Variants in SPAG6 observed in about 807,000 individuals in gnomAD.
SPAG6 encodes the protein sperm-associated antigen 6.
A neutral mutation model predicts 58.5 loss-of-function variants in SPAG6; 49 were observed. That is an observed-to-expected ratio of 0.84 (90% CI 0.67 to 1.06). The LOEUF is 1.06. Among genes scored for constraint, SPAG6 ranks in the 50% least tolerant of loss-of-function variants. The pLI, the probability that SPAG6 is intolerant of heterozygous loss-of-function variation, is 0.00. For synonymous variants in SPAG6, 233 were observed against 225.6 expected, an observed-to-expected ratio of 1.03 and a Z score of -0.29; for missense variants, 560 against 611.3, an observed-to-expected ratio of 0.92 and a Z score of 0.89.
intron 10 of SPAG6, among the ~76,000 whole-genome samples, chr10:22,412,678 TCTC>T (rs778579626): frequency 8.5e-5 from 13 of 152,152 alleles, no homozygotes; most frequent in Non-Finnish European, 1.6e-4. Context: ...TTCAAGCTAT[TCTC>T]CTGCCTCAGC....
At chr10:22,408,638 C>A (rs1252466053) in intron 9 of SPAG6, among the ~76,000 whole-genome samples, 1 of 152,082 alleles carries the variant, frequency 6.6e-6, no homozygotes, top group Non-Finnish European at 1.5e-5. Context: ...GGCAGGCAGG[C>A]CTCCTTGAGC....
chr10:22,383,128 A>T (rs1183939746), intron 4 of SPAG6, among the ~76,000 whole-genome samples: 1 of 152,236 alleles, frequency 6.6e-6, no homozygotes, highest in African/African-American at 2.4e-5. Flanking sequence ...CTGAAGATAA[A>T]TTTCTTGGCT....
At chr10:22,400,422 G>A (rs138080828) in intron 8 of SPAG6, among the ~76,000 whole-genome samples, 1,554 of 152,188 alleles carry the variant, frequency 0.01, 16 homozygotes, top group South Asian at 0.038. Flanking sequence ...GCTGGCTGCT[G>A]TGATGTGCTG....
intron 4 of SPAG6, among the ~76,000 whole-genome samples, chr10:22,382,418 T>C (rs1833977239): frequency 6.6e-6 from 1 of 152,054 alleles, no homozygotes; most frequent in African/African-American, 2.4e-5. Context: ...CAGTTTGCAG[T>C]CAAAAAAAAG....
Position 22,364,899 on chromosome 10 carries a change from A to C in SPAG6, c.168A>C (p.Thr56=), listed in dbSNP as rs746694474. The change falls in exon 3 of 11, where the codon ACA becomes ACC. Residue 56 remains threonine (T), a synonymous_variant. Transcript: ENST00000376624. ...LRTLLLDVVP[T]IQQTAALALG... is the part of the protein sequence containing the mutation. ...CTCTTCTTCTGGACGTGGTCCCAAC[A>C]ATTCAACAGACTGCTGCTTTGGCTC... The C allele has an allele frequency of 6.2e-7, 1 of 1,613,614 alleles. No homozygotes were observed. The highest frequency in any genetic ancestry group is 1.7e-5 in the Admixed American group (1 of 59,904).
In SPAG6 at chr10:22,345,837, C is replaced by T. The variant is rs1244835840; in HGVS notation, c.121+19C>T. 2 of 1,603,488 alleles carry T rather than the reference C, an allele frequency of 1.2e-6. No individual in the cohort carries two copies. Among genetic ancestry groups the T allele is most frequent in the East Asian group, 2.3e-5 (1 of 44,044 alleles). On this transcript the variant is annotated intron_variant, in intron 2 of 10. Transcript: ENST00000376624. This position sits in a 1 kb window ranked among gnomAD's most constrained non-coding sequence, Gnocchi z 6.3. Reference sequence around the variant, plus strand: ...AACGCGGGTGAGCCCGGAGCCCGAACCCCCGTCGCCCCCCGCGCACTGAGT... The same window carrying T: ...AACGCGGGTGAGCCCGGAGCCCGAATCCCCGTCGCCCCCCGCGCACTGAGT...
chr10:22,354,141 T>G (rs1282767987), intron 2 of SPAG6, among the ~76,000 whole-genome samples: 1 of 152,226 alleles, frequency 6.6e-6, no homozygotes, highest in Non-Finnish European at 1.5e-5. Flanking sequence ...CTTTGTGTTT[T>G]AGAAAGGCAA....
At chr10:22,415,678 T>C (rs1834850965) in intron 10 of SPAG6, among the ~76,000 whole-genome samples, 2 of 152,306 alleles carry the variant, frequency 1.3e-5, no homozygotes, top group South Asian at 2.1e-4. Flanking sequence ...ATATAAATTA[T>C]GAGTTTTTAG....
intron 4 of SPAG6, among the ~76,000 whole-genome samples, chr10:22,385,603 G>C (rs1450867940): frequency 6.6e-6 from 1 of 152,086 alleles, no homozygotes; most frequent in Admixed American, 6.5e-5. Context: ...TGAATGAACT[G>C]TTTATACAAT....
At chr10:22,354,500 T>A (rs1252279005) in intron 2 of SPAG6, among the ~76,000 whole-genome samples, 1 of 152,176 alleles carries the variant, frequency 6.6e-6, no homozygotes, top group East Asian at 1.9e-4. Context: ...AGGAGACAGA[T>A]AGCTGGAAAG....
At chr10:22,378,226 G>A (rs1833868025) in intron 4 of SPAG6, among the ~76,000 whole-genome samples, 1 of 151,472 alleles carries the variant, frequency 6.6e-6, no homozygotes, top group Non-Finnish European at 1.5e-5. Flanking sequence ...ACCACGCCTG[G>A]CTAATTTTTG....
At chr10:22,406,226 T>C (rs1381292499) in intron 9 of SPAG6, among the ~76,000 whole-genome samples, 4 of 152,212 alleles carry the variant, frequency 2.6e-5, no homozygotes, top group South Asian at 4.1e-4. Context: ...TTAATTGTGA[T>C]GTTAGGGTGT....
intron 2 of SPAG6, chr10:22,361,095 GA>G: frequency 2.5e-6 from 1 of 401,342 alleles, no homozygotes; most frequent in South Asian, 8.2e-5. Flanking sequence ...TTAAGGACTA[GA>G]AATTTGGGGT....
At chr10:22,346,496 C>CT (rs71510923) in intron 2 of SPAG6, among the ~76,000 whole-genome samples, 1 of 75,738 alleles carries the variant, frequency 1.3e-5, no homozygotes, top group Non-Finnish European at 2.7e-5. Flanking sequence ...TCTTCTTCTT[C>CT]TTTCTTCTTC....
At chr10:22,383,356 A>G (rs1249961318) in intron 4 of SPAG6, among the ~76,000 whole-genome samples, 1 of 152,068 alleles carries the variant, frequency 6.6e-6, no homozygotes, top group Non-Finnish European at 1.5e-5. Flanking sequence ...AAATACAGAA[A>G]AACCTGGGCG....
At chr10:22,375,550 A>G (rs1833796108) in intron 4 of SPAG6, among the ~76,000 whole-genome samples, 1 of 151,976 alleles carries the variant, frequency 6.6e-6, no homozygotes, top group South Asian at 2.1e-4. Context: ...TTTGCTCTAA[A>G]AGTGTGGAAT....
intron 8 of SPAG6, 75 bp downstream of exon 8, chr10:22,391,995 A>G: frequency 2.1e-6 from 2 of 945,432 alleles, no homozygotes; most frequent in South Asian, 1.6e-5. Flanking sequence ...CTTTGTTTTC[A>G]TCATGGACAA....
chr10:22,387,503 C>T lies in SPAG6; in HGVS notation c.679-320C>T, dbSNP rs572407664. 7.2e-5 allele frequency among the ~76,000 whole-genome samples: 11 copies of T among 152,162 alleles called. No individual in the cohort carries two copies. The South Asian group carries it at 2.3e-3, about 32-fold the overall frequency. On this transcript the variant is annotated intron_variant, in intron 5 of 10. Transcript: ENST00000376624. ...GATGATTTTTGTACTAAATGATCAC[C>T]TGTCTCATAAATTAGCAATTTCAGT...
In SPAG6 at chr10:22,365,259, T is replaced by C. The variant is rs572332427; in HGVS notation, c.288+240T>C. 3.3e-5 allele frequency among the ~76,000 whole-genome samples: 5 copies of C among 152,274 alleles called. No homozygotes were observed. The South Asian group carries it at 6.2e-4, about 19-fold the overall frequency. ...AGATTTTTTTAGGCAGAATTATACA[T>C]AAAGCAGTATTTCTATATATGAGAG... On this transcript the variant is annotated intron_variant, in intron 3 of 10. Coordinates refer to ENST00000376624, the MANE Select transcript of SPAG6 (RefSeq NM_012443.4).
Sources: gnomAD v4.1 joint callset for allele counts (sites outside exome capture counted in the v4.1 genomes callset) on GRCh38, gnomAD v4.1.1 for gene constraint, Gnocchi (gnomAD v3.1) non-coding constraint, MANE v1.5 for transcripts, NCBI Gene and HGNC (gene_info 2026-07-23, HGNC 2026-07-21) for gene names.